The following MED13L variants were observed in gnomAD, a reference collection of about 807,000 sequenced individuals.
MED13L encodes mediator of RNA polymerase II transcription subunit 13-like.
In MED13L, 7 loss-of-function variants were observed where a neutral mutation model predicts 220.9. That is an observed-to-expected ratio of 0.03 (90% CI 0.02 to 0.06). MED13L has a LOEUF of 0.06. Among genes scored for constraint, MED13L ranks in the 10% least tolerant of loss-of-function variants. The pLI is 1.00. For missense variants in MED13L, 1,965 were observed against 2,760.5 expected (o/e 0.71, Z 6.46); for synonymous variants, 1,011 against 1,015.2 (o/e 1.00, Z 0.08).
At chr12:116,141,004 G>C (rs976380934) in intron 2 of MED13L, among the ~76,000 whole-genome samples, 1 of 152,054 alleles carries the variant, frequency 6.6e-6, no homozygotes, top group Non-Finnish European at 1.5e-5. Context: ...TAAATGTGTG[G>C]ATTTTTTAAA....
At chr12:116,004,800 T>G (rs1192592818) in intron 13 of MED13L, among the ~76,000 whole-genome samples, 1 of 152,140 alleles carries the variant, frequency 6.6e-6, no homozygotes, top group African/African-American at 2.4e-5. Flanking sequence ...ACAGTAATGG[T>G]ATATAATATC....
chr12:116,028,955 G>A (rs1242317558), intron 4 of MED13L, among the ~76,000 whole-genome samples: 1 of 151,964 alleles, frequency 6.6e-6, no homozygotes, highest in Non-Finnish European at 1.5e-5. Context: ...CTTCCATCAC[G>A]AATAATCTTT....
intron 4 of MED13L, among the ~76,000 whole-genome samples, chr12:116,077,347 T>C (rs1870881923): frequency 1.3e-5 from 2 of 152,218 alleles, no homozygotes; most frequent in South Asian, 4.1e-4. Flanking sequence ...CATTTTTCTT[T>C]GTGAAAAACT....
chr12:116,007,263 T>A (rs1033223405), intron 11 of MED13L, 148 bp downstream of exon 11: 28 of 758,844 alleles, frequency 3.7e-5, no homozygotes, highest in Admixed American at 6.0e-5. Flanking sequence ...CGCTGTTCAA[T>A]ACAATAGTAC....
intron 4 of MED13L, among the ~76,000 whole-genome samples, chr12:116,042,037 A>G (rs1466943267): frequency 1.3e-5 from 2 of 152,212 alleles, no homozygotes; most frequent in African/African-American, 4.8e-5. Flanking sequence ...TTTACTCAGC[A>G]CTGTATTTTA....
Position 115,986,033 on chromosome 12 carries a change from C to T in MED13L, c.4338+233G>A, listed in dbSNP as rs534813725. On this transcript the variant is annotated intron_variant, in intron 19 of 30. Transcript: ENST00000281928. Reference sequence around the variant, plus strand: ...AGAGAGAACTGATGGGATTTTAAGACGTGTGGTAAGAATGGGAGGGGAACG... The same window carrying T: ...AGAGAGAACTGATGGGATTTTAAGATGTGTGGTAAGAATGGGAGGGGAACG... Among the ~76,000 whole-genome samples the T allele has an allele frequency of 5.9e-5, 9 of 152,198 alleles. No homozygotes were observed. In the South Asian group the frequency reaches 1.2e-3, roughly 21 times the overall value.
intron 4 of MED13L, among the ~76,000 whole-genome samples, chr12:116,073,657 T>C (rs1395793214): frequency 1.3e-5 from 2 of 152,346 alleles, no homozygotes; most frequent in East Asian, 3.9e-4. Flanking sequence ...AAATCTATTA[T>C]TGAGGAAGGT....
chr12:116,128,175 C>T (rs577637636), intron 2 of MED13L, among the ~76,000 whole-genome samples: 4 of 152,128 alleles, frequency 2.6e-5, no homozygotes, highest in Non-Finnish European at 4.4e-5. Context: ...AATGTCAGCA[C>T]GATATGTACA....
chr12:116,127,044 T>G (rs144456967), intron 2 of MED13L, among the ~76,000 whole-genome samples: 1 of 152,230 alleles, frequency 6.6e-6, no homozygotes, highest in African/African-American at 2.4e-5. Context: ...TTTTGAAACA[T>G]AGGCTATCAA....
chr12:116,226,699 T>C (rs1179371535), intron 2 of MED13L, among the ~76,000 whole-genome samples: 2 of 152,056 alleles, frequency 1.3e-5, no homozygotes. Flanking sequence ...TGAAACCCCA[T>C]CTCTACTAAA....
At chr12:116,237,230 T>C (rs536076167) in intron 2 of MED13L, among the ~76,000 whole-genome samples, 81 of 152,088 alleles carry the variant, frequency 5.3e-4, no homozygotes, top group African/African-American at 1.9e-3. Context: ...CACAATACTC[T>C]CATTTAACAG....
intron 2 of MED13L, among the ~76,000 whole-genome samples, chr12:116,119,763 T>A (rs536402462): frequency 3.6e-4 from 47 of 131,570 alleles, no homozygotes; most frequent in Non-Finnish European, 6.7e-4. Flanking sequence ...TATGATGGCA[T>A]GCCACTGTAC....
intron 2 of MED13L, among the ~76,000 whole-genome samples, chr12:116,121,069 T>C (rs1296097727): frequency 1.3e-5 from 2 of 152,212 alleles, no homozygotes; most frequent in Non-Finnish European, 2.9e-5. Context: ...ATTTTGGCAC[T>C]AAAGTTATCT....
At chr12:115,992,104 TA>T (rs879503143) in intron 16 of MED13L, 147 bp from the exon 17 acceptor site, 81,814 of 474,220 alleles carry the variant, frequency 0.17, 3 homozygotes, top group South Asian at 0.26. Flanking sequence ...AATTTTCTCT[TA>T]AAAAAAAAAA....
At chr12:116,079,021 CAA>C (rs1226854362) in intron 4 of MED13L, among the ~76,000 whole-genome samples, 1 of 152,132 alleles carries the variant, frequency 6.6e-6, no homozygotes, top group East Asian at 1.9e-4. Flanking sequence ...ATTGTGACGT[CAA>C]AAGACTACAA....
intron 2 of MED13L, among the ~76,000 whole-genome samples, chr12:116,216,071 T>C (rs1882978128): frequency 6.6e-6 from 1 of 152,224 alleles, no homozygotes; most frequent in African/African-American, 2.4e-5. Flanking sequence ...GCTGAAATTC[T>C]AGCTATGATC....
chr12:116,220,520 G>A (rs1413093960), intron 2 of MED13L, among the ~76,000 whole-genome samples: 5 of 152,090 alleles, frequency 3.3e-5, no homozygotes, highest in African/African-American at 7.2e-5. Flanking sequence ...CCATTATGGC[G>A]AAACCCCATC....
At chr12:116,223,551 A>G (rs1158041340) in intron 2 of MED13L, among the ~76,000 whole-genome samples, 1 of 152,054 alleles carries the variant, frequency 6.6e-6, no homozygotes, top group African/African-American at 2.4e-5. Flanking sequence ...CTAAAAATAT[A>G]AAATTAGCCG....
At chr12:116,067,031 G>A (rs999621991) in intron 4 of MED13L, among the ~76,000 whole-genome samples, 3 of 151,964 alleles carry the variant, frequency 2.0e-5, no homozygotes, top group African/African-American at 7.3e-5. Flanking sequence ...ATGTTTCTGC[G>A]AGTGGAAATA....
Sources: gnomAD v4.1 joint callset for allele counts (sites outside exome capture counted in the v4.1 genomes callset) on GRCh38, gnomAD v4.1.1 for gene constraint, MANE v1.5 for transcripts, NCBI Gene and HGNC (gene_info 2026-07-23, HGNC 2026-07-21) for gene names.